The following UTP20 variants were observed in gnomAD, a reference collection of about 807,000 sequenced individuals.
UTP20 encodes the protein UTP20 small subunit processome component, also known as small subunit processome component 20 homolog.
A neutral mutation model predicts 329.5 loss-of-function variants in UTP20; 164 were observed. The ratio of observed to expected loss-of-function variants is 0.50; its 90% confidence interval spans 0.44 to 0.57. The LOEUF is 0.57. Ranked by LOEUF, UTP20 falls within the 20% of genes least tolerant of loss-of-function variation. The probability of loss-of-function intolerance (pLI) is 0.00; values close to 1 mark genes in which losing one functional copy is unlikely to be tolerated. For synonymous variants in UTP20, 1,151 were observed against 1,159.3 expected (o/e 0.99, Z 0.14); for missense variants, 3,055 against 3,284.2 (o/e 0.93, Z 1.71).
Position 101,383,216 on chromosome 12 carries a change from A to G in UTP20, c.7832A>G (p.Glu2611Gly), listed in dbSNP as rs1870709162. The G allele has an allele frequency of 6.2e-7, 1 of 1,614,092 alleles. No individual in the cohort carries two copies. The highest frequency in any genetic ancestry group is 1.1e-5 in the South Asian group (1 of 91,088). ...SDGEEKEEVK[E>G]ELGRPATLLW... ...GGAGAAGAGAAGGAAGAGGTGAAGG[A>G]AGAGCTCGGCAGGCCGGCCACGCTG... is the stretch of plus-strand genomic sequence containing the variant. Residue 2611 changes from glutamate (E) to glycine (G), a missense_variant, in exon 59 of 62, where the codon GAA (glutamate) becomes GGA (glycine). Coordinates refer to ENST00000261637, the MANE Select transcript of UTP20 (RefSeq NM_014503.3).
chr12:101,314,517 G>A (rs1872902080), intron 21 of UTP20, among the ~76,000 whole-genome samples: 1 of 152,020 alleles, frequency 6.6e-6, no homozygotes, highest in Admixed American at 6.6e-5. Flanking sequence ...AATTAGCTAG[G>A]CGTGGTGGTG....
intron 12 of UTP20, among the ~76,000 whole-genome samples, chr12:101,296,584 G>GA (rs1872361778): frequency 1.2e-5 from 1 of 83,692 alleles, no homozygotes; most frequent in African/African-American, 6.0e-5. Context: ...AAAAAAAAAA[G>GA]AAAAATACAA....
chr12:101,335,136 C>A (rs1868893357), intron 29 of UTP20, among the ~76,000 whole-genome samples: 1 of 152,002 alleles, frequency 6.6e-6, no homozygotes. Flanking sequence ...TTTGGGTAGA[C>A]CAGAGCAGGG....
At chr12:101,382,212 C>T (rs1056204617) in intron 58 of UTP20, among the ~76,000 whole-genome samples, 1 of 152,036 alleles carries the variant, frequency 6.6e-6, no homozygotes, top group Non-Finnish European at 1.5e-5. Context: ...CAAGACCAGC[C>T]TGGCCAACAT....
At chr12:101,300,966 AAAG>A (rs1331575724) in intron 14 of UTP20, among the ~76,000 whole-genome samples, 4 of 152,210 alleles carry the variant, frequency 2.6e-5, no homozygotes, top group African/African-American at 9.7e-5. Context: ...ATCTTTTTGT[AAAG>A]GACCAGACAG....
intron 54 of UTP20, 99 bp from the exon 55 acceptor site, chr12:101,374,709 C>A: frequency 1.5e-6 from 1 of 679,158 alleles, no homozygotes; most frequent in Non-Finnish European, 2.5e-6. Flanking sequence ...TTTATTTTCT[C>A]TGAATGTTGA....
rs772218043 is a variant in UTP20, at chr12:101,305,955, C to A, written c.1822C>A (p.Leu608Ile). The change falls in exon 16 of 62, where the codon CTC (leucine) becomes ATC (isoleucine). Residue 608 changes from leucine (L) to isoleucine (I), a missense_variant. Physicochemically the swap from Leu to Ile is conservative, Grantham distance 5. Coordinates refer to ENST00000261637, the MANE Select transcript of UTP20 (RefSeq NM_014503.3). ...LEPSVLLLTD[L>I]YYQRLALCGC... The stretch of plus-strand genomic sequence containing the variant: ...GCCATCTGTGTTGCTGTTGACTGAT[C>A]TCTATTATCAGAGATTAGCCTTGTG... 1 of 1,612,406 alleles carries A rather than the reference C, an allele frequency of 6.2e-7. No individual in the cohort carries two copies. The highest frequency in any genetic ancestry group is 2.2e-5 in the East Asian group (1 of 44,756).
intron 39 of UTP20, among the ~76,000 whole-genome samples, 176 bp downstream of exon 39, chr12:101,352,370 G>A (rs889262991): frequency 2.0e-5 from 3 of 152,120 alleles, no homozygotes; most frequent in Non-Finnish European, 2.9e-5. Flanking sequence ...ACGTGTGCAT[G>A]TGTCTTTATA....
At chr12:101,322,550 T>C (rs896417157) in intron 25 of UTP20, among the ~76,000 whole-genome samples, 3 of 152,196 alleles carry the variant, frequency 2.0e-5, no homozygotes. Context: ...AGCTCTGGAA[T>C]GATGAGAATT....
At chr12:101,354,223 C>G (rs1565802359) in intron 40 of UTP20, among the ~76,000 whole-genome samples, 1 of 137,440 alleles carries the variant, frequency 7.3e-6, no homozygotes, top group Non-Finnish European at 1.5e-5. Flanking sequence ...GATGTCACTA[C>G]TGTACTCCAG....
At chr12:101,369,265 A>C (rs1870199456) in intron 48 of UTP20, among the ~76,000 whole-genome samples, 1 of 152,152 alleles carries the variant, frequency 6.6e-6, no homozygotes, top group Non-Finnish European at 1.5e-5. Flanking sequence ...TTTTCCAAAA[A>C]AATTGTAAAA....
chr12:101,359,652 T>C (rs896356355), intron 43 of UTP20, among the ~76,000 whole-genome samples: 2 of 152,184 alleles, frequency 1.3e-5, no homozygotes, highest in Non-Finnish European at 2.9e-5. Flanking sequence ...TTTGGGTTTT[T>C]CAGTTCTAAA....
At position 101,356,698 on chromosome 12, in the gene UTP20, G is replaced by A. The variant is rs751109390; in HGVS notation, c.5534+5G>A. On this transcript the variant is annotated splice_donor_5th_base_variant and intron_variant, in intron 42 of 61. Coordinates refer to ENST00000261637, the MANE Select transcript of UTP20 (RefSeq NM_014503.3). Reference sequence around the variant, plus strand: ...TATGGAAGCTAATCTGCCAAGGTATGTTTTTTAACAAATTAGAAGTTTAGT... The same window carrying A: ...TATGGAAGCTAATCTGCCAAGGTATATTTTTTAACAAATTAGAAGTTTAGT... The A allele has an allele frequency of 6.3e-7, 1 of 1,599,124 alleles. No homozygotes were observed. The highest frequency in any genetic ancestry group is 1.1e-5 in the South Asian group (1 of 87,186).
At position 101,319,582 on chromosome 12, in the gene UTP20, T is replaced by G; in HGVS notation, c.2776T>G (p.Ser926Ala). 6.2e-7 allele frequency: 1 copy of G among 1,608,436 alleles called. No individual in the cohort carries two copies. Among genetic ancestry groups the G allele is most frequent in the Non-Finnish European group, 8.5e-7 (1 of 1,179,218 alleles). The change falls in exon 23 of 62, where the codon TCA becomes GCA. Residue 926 changes from serine (S) to alanine (A), a missense_variant. Ser to Ala is a moderately conservative substitution (Grantham distance 99, BLOSUM62 1). Around this residue, in one of 3 missense-constraint regions of UTP20, gnomAD observed 2,445 missense variants for 2,575.5 expected, o/e 0.95. Coordinates refer to ENST00000261637, the MANE Select transcript of UTP20 (RefSeq NM_014503.3). ...TCATTTGCAAGTTTTCTCTAAATTT[T>G]CAAATCCACGGGCCTTATATCTGGA... ...IAHLQVFSKF[S>A]NPRALYLESK... is the part of the protein sequence containing the mutation.
At chr12:101,380,913 C>T (rs1241555808) in intron 57 of UTP20, among the ~76,000 whole-genome samples, 1 of 151,524 alleles carries the variant, frequency 6.6e-6, no homozygotes, top group Non-Finnish European at 1.5e-5. Flanking sequence ...CTGTTTCTCC[C>T]CAAAATGTGA....
At chr12:101,368,325 GT>G (rs1401855326) in intron 48 of UTP20, among the ~76,000 whole-genome samples, 1 of 151,902 alleles carries the variant, frequency 6.6e-6, no homozygotes, top group Non-Finnish European at 1.5e-5. Flanking sequence ...TAGACACGGG[GT>G]TTCATCTTGT....
chr12:101,321,524 T>C lies in UTP20; in HGVS notation c.2936T>C (p.Leu979Pro). Reference protein sequence around the residue: ...LPYRENLQRLLEDRSFKEEIV... With the variant: ...LPYRENLQRLPEDRSFKEEIV... Reference sequence around the variant, plus strand: ...TAAAGGGAAAACTTACAAAGGTTGCTTGAAGACAGAAGCTTTAAGGAAGAG... The same window carrying C: ...TAAAGGGAAAACTTACAAAGGTTGCCTGAAGACAGAAGCTTTAAGGAAGAG... Residue 979 changes from leucine (L) to proline (P), a missense_variant, in exon 25 of 62, where the codon CTT becomes CCT. Transcript: ENST00000261637. The C allele has an allele frequency of 6.2e-7, 1 of 1,613,426 alleles. No individual in the cohort carries two copies. The highest frequency in any genetic ancestry group is 8.5e-7 in the Non-Finnish European group (1 of 1,179,640).
In UTP20 at chr12:101,379,094, C is replaced by A. The variant is rs369081311; in HGVS notation, c.7397-277C>A. ...TTGTGTTGGGAACATTTCAAATCTT[C>A]CAGCTATTTTGAAATGTACAGTACA... On this transcript the variant is annotated intron_variant, in intron 56 of 61. Coordinates refer to ENST00000261637, the MANE Select transcript of UTP20 (RefSeq NM_014503.3). Among the ~76,000 whole-genome samples the A allele has an allele frequency of 1.6e-4, 25 of 152,296 alleles. No individual in the cohort carries two copies. In the East Asian group the frequency reaches 1.7e-3, roughly 11 times the overall value.
At chr12:101,375,601 A>T (rs1367620600) in intron 55 of UTP20, 23 bp from the exon 56 acceptor site, 6 of 1,607,394 alleles carry the variant, frequency 3.7e-6, no homozygotes, top group Non-Finnish European at 1.7e-6. Context: ...GTTTTCATTG[A>T]TTTACATCCG....
Sources: allele counts gnomAD v4.1 joint callset (sites outside exome capture counted in the v4.1 genomes callset), GRCh38; gene constraint gnomAD v4.1.1; regional missense constraint gnomAD v4.1.1; transcripts MANE v1.5; gene names NCBI Gene and HGNC (gene_info 2026-07-23, HGNC 2026-07-21).